Variants in GABRB2 observed in about 807,000 individuals in gnomAD.
GABRB2 encodes the protein gamma-aminobutyric acid type A receptor subunit beta2.
In GABRB2, 16 loss-of-function variants were observed where a neutral mutation model predicts 54.7. The observed-to-expected ratio is 0.29, with a 90% confidence interval of 0.20 to 0.44. The LOEUF (loss-of-function observed/expected upper bound fraction) is 0.44. Ranked by LOEUF, GABRB2 falls within the 20% of genes least tolerant of loss-of-function variation. The pLI, the probability that GABRB2 is intolerant of heterozygous loss-of-function variation, is 1.00. For missense variants in GABRB2, 355 were observed against 644.0 expected (o/e 0.55, Z 4.86); for synonymous variants, 244 against 233.8 (o/e 1.04, Z -0.40).
intron 5 of GABRB2, among the ~76,000 whole-genome samples, chr5:161,376,235 TC>T (rs1461642823): frequency 6.6e-6 from 1 of 152,174 alleles, no homozygotes; most frequent in African/African-American, 2.4e-5. Flanking sequence ...TGGGAACTCC[TC>T]TCTTAAAGAC....
chr5:161,533,193 G>A (rs1760519667), intron 3 of GABRB2, among the ~76,000 whole-genome samples: 1 of 152,116 alleles, frequency 6.6e-6, no homozygotes, highest in Admixed American at 6.6e-5. Flanking sequence ...ACAACAGCAA[G>A]AGCCAATGGG....
intron 3 of GABRB2, among the ~76,000 whole-genome samples, chr5:161,503,460 A>G (rs1262482627): frequency 6.6e-6 from 1 of 151,998 alleles, no homozygotes; most frequent in Non-Finnish European, 1.5e-5. Context: ...TAAAAGTAAA[A>G]TGTATTGGGA....
intron 3 of GABRB2, among the ~76,000 whole-genome samples, chr5:161,466,156 C>A (rs1758270259): frequency 6.6e-6 from 1 of 151,842 alleles, no homozygotes; most frequent in African/African-American, 2.4e-5. Context: ...TGAGATTATA[C>A]CATTTGGGTC....
Position 161,396,862 on chromosome 5 carries a change from C to T in GABRB2, c.541+14113G>A, listed in dbSNP as rs141908914. ...AGGAGTAAATTAATTCCAATCTCAACACTTCCAAATGTAACTTTGAAATTC... is the reference window on the plus strand; with the variant it reads ...AGGAGTAAATTAATTCCAATCTCAATACTTCCAAATGTAACTTTGAAATTC... On this transcript the variant is annotated intron_variant, in intron 5 of 9. Coordinates refer to ENST00000393959, the MANE Select transcript of GABRB2 (RefSeq NM_001371727.1). Among the ~76,000 whole-genome samples the T allele has an allele frequency of 1.8e-4, 27 of 152,276 alleles. No homozygotes were observed. In the East Asian group the frequency reaches 5.2e-3, roughly 29 times the overall value.
intron 5 of GABRB2, among the ~76,000 whole-genome samples, chr5:161,361,085 C>CA (rs202078627): frequency 3.0e-4 from 44 of 147,732 alleles, no homozygotes; most frequent in African/African-American, 9.2e-4. Flanking sequence ...CTGTGAGAAA[C>CA]AAAAAAAAAG....
At chr5:161,464,282 A>G (rs1021099569) in intron 3 of GABRB2, among the ~76,000 whole-genome samples, 1 of 152,132 alleles carries the variant, frequency 6.6e-6, no homozygotes, top group African/African-American at 2.4e-5. Flanking sequence ...TAAGCAAAAG[A>G]TGTGAACAGA....
chr5:161,438,578 A>G (rs1191111861), intron 4 of GABRB2, among the ~76,000 whole-genome samples: 1 of 152,178 alleles, frequency 6.6e-6, no homozygotes, highest in Non-Finnish European at 1.5e-5. Flanking sequence ...AATCCTGGAG[A>G]AAGAGAGATG....
chr5:161,511,322 G>T (rs1200013307), intron 3 of GABRB2, among the ~76,000 whole-genome samples: 2 of 151,834 alleles, frequency 1.3e-5, no homozygotes, highest in African/African-American at 2.4e-5. Flanking sequence ...TTTTCAGTTT[G>T]TAAAATATAC....
intron 5 of GABRB2, among the ~76,000 whole-genome samples, chr5:161,360,026 C>A (rs925341477): frequency 6.6e-6 from 1 of 151,522 alleles, no homozygotes; most frequent in African/African-American, 2.4e-5. Context: ...GGTTGTGCAG[C>A]AAGGCAAGAT....
At chr5:161,483,862 A>G (rs1367516429) in intron 3 of GABRB2, among the ~76,000 whole-genome samples, 3 of 151,896 alleles carry the variant, frequency 2.0e-5, no homozygotes, top group Admixed American at 6.6e-5. Flanking sequence ...GACAGATGGT[A>G]ACCCAAATTC....
chr5:161,523,661 A>T (rs931839433), intron 3 of GABRB2, among the ~76,000 whole-genome samples: 1 of 151,640 alleles, frequency 6.6e-6, no homozygotes, highest in African/African-American at 2.4e-5. Flanking sequence ...ATTTCAGTGT[A>T]CAAATTTTGG....
At chr5:161,409,310 A>G (rs1198932685) in intron 5 of GABRB2, among the ~76,000 whole-genome samples, 1 of 152,122 alleles carries the variant, frequency 6.6e-6, no homozygotes, top group Non-Finnish European at 1.5e-5. Context: ...TATTGACCTT[A>G]TTTAACAAGG....
intron 9 of GABRB2, among the ~76,000 whole-genome samples, chr5:161,320,157 CTTTA>C (rs1758168676): frequency 6.6e-6 from 1 of 151,464 alleles, no homozygotes; most frequent in Admixed American, 6.6e-5. Context: ...ATTCCTTCTG[CTTTA>C]TTTAGGTATT....
At chr5:161,335,344 GGT>G (rs1337771709) in intron 6 of GABRB2, among the ~76,000 whole-genome samples, 1 of 152,102 alleles carries the variant, frequency 6.6e-6, no homozygotes, top group Non-Finnish European at 1.5e-5. Flanking sequence ...TGTGATCAGT[GGT>G]GATGTTTCAG....
At chr5:161,390,735 T>TTA (rs1057125238) in intron 5 of GABRB2, among the ~76,000 whole-genome samples, 3 of 152,072 alleles carry the variant, frequency 2.0e-5, no homozygotes, top group African/African-American at 7.2e-5. Flanking sequence ...GAGCTAACAC[T>TTA]TCTTATAAGT....
chr5:161,453,173 A>G (rs34104516), intron 4 of GABRB2, among the ~76,000 whole-genome samples: 3,404 of 152,310 alleles, frequency 0.022, 60 homozygotes, highest in Non-Finnish European at 0.034. Context: ...TTGTTGCCAC[A>G]TCTACAGCTA....
intron 3 of GABRB2, among the ~76,000 whole-genome samples, chr5:161,494,261 T>C (rs911409520): frequency 2.5e-4 from 38 of 151,852 alleles, no homozygotes; most frequent in African/African-American, 5.1e-4. Flanking sequence ...TTTAGAAAGA[T>C]ACCCAAAAAC....
chr5:161,355,463 C>T (rs1754592491), intron 5 of GABRB2, among the ~76,000 whole-genome samples: 1 of 150,988 alleles, frequency 6.6e-6, no homozygotes. Context: ...AACAACTATA[C>T]ACATACATAT....
At chr5:161,359,124 GA>G (rs1343599990) in intron 5 of GABRB2, among the ~76,000 whole-genome samples, 1 of 152,006 alleles carries the variant, frequency 6.6e-6, no homozygotes, top group African/African-American at 2.4e-5. Flanking sequence ...CATTGGCAGA[GA>G]GGGGGAAAAA....
Sources: gnomAD v4.1 joint callset for allele counts (sites outside exome capture counted in the v4.1 genomes callset) on GRCh38, gnomAD v4.1.1 for gene constraint, MANE v1.5 for transcripts, NCBI Gene and HGNC (gene_info 2026-07-23, HGNC 2026-07-21) for gene names.